The following CPE variants were observed in gnomAD, a reference collection of about 807,000 sequenced individuals.
CPE encodes carbocypeptidase E.
A neutral mutation model predicts 53.5 loss-of-function variants in CPE; 17 were observed. The ratio of observed to expected loss-of-function variants is 0.32; its 90% CI spans 0.22 to 0.48. CPE has a LOEUF of 0.48. Among genes scored for constraint, CPE ranks in the 20% least tolerant of loss-of-function variants. The probability of loss-of-function intolerance (pLI) is 0.99; values close to 1 mark genes in which losing one functional copy is unlikely to be tolerated. For missense variants in CPE, 524 were observed against 614.7 expected, an observed-to-expected ratio of 0.85 and a Z score of 1.56; for synonymous variants, 226 against 228.8, an observed-to-expected ratio of 0.99 and a Z score of 0.11.
intron 1 of CPE, among the ~76,000 whole-genome samples, chr4:165,409,103 C>T (rs143634833): frequency 3.2e-4 from 49 of 152,188 alleles, no homozygotes; most frequent in African/African-American, 1.2e-3. Context: ...AAGTATATGG[C>T]GGAGTGGGTG....
At chr4:165,496,220 T>C (rs1193727670) in intron 8 of CPE, among the ~76,000 whole-genome samples, 1 of 152,232 alleles carries the variant, frequency 6.6e-6, no homozygotes, top group Non-Finnish European at 1.5e-5. Flanking sequence ...TTGTATTATA[T>C]GCCTGGGACC....
At chr4:165,476,565 G>A (rs1010400488) in intron 3 of CPE, among the ~76,000 whole-genome samples, 2 of 152,030 alleles carry the variant, frequency 1.3e-5, no homozygotes, top group African/African-American at 4.8e-5. Context: ...CTGATCACCA[G>A]TTTCAGGTTT....
At chr4:165,386,401 TGA>T in intron 1 of CPE, 1 of 402,016 alleles carries the variant, frequency 2.5e-6, no homozygotes, top group Non-Finnish European at 4.8e-6. Flanking sequence ...TGAATATGTT[TGA>T]ATAAATGAAA....
intron 1 of CPE, among the ~76,000 whole-genome samples, chr4:165,434,876 G>A (rs1486895259): frequency 6.6e-6 from 1 of 152,064 alleles, no homozygotes; most frequent in African/African-American, 2.4e-5. Flanking sequence ...CAGATCCCTG[G>A]TGAATGTCTT....
intron 1 of CPE, among the ~76,000 whole-genome samples, chr4:165,430,052 A>G (rs935967215): frequency 7.5e-6 from 1 of 132,594 alleles, no homozygotes; most frequent in African/African-American, 2.5e-5. Context: ...ATCAAAAAAT[A>G]AAAATAAAAA....
intron 1 of CPE, among the ~76,000 whole-genome samples, chr4:165,426,764 A>G (rs1731326554): frequency 6.6e-6 from 1 of 152,234 alleles, no homozygotes; most frequent in African/African-American, 2.4e-5. Flanking sequence ...AATCTCACCA[A>G]TACACTACAA....
chr4:165,386,295 C>G (rs200991991), intron 1 of CPE: 183 of 504,588 alleles, frequency 3.6e-4, no homozygotes, highest in East Asian at 2.1e-3. Flanking sequence ...TCCTATAGCT[C>G]CTGTAGCTTC....
At chr4:165,428,747 C>T (rs1731362100) in intron 1 of CPE, among the ~76,000 whole-genome samples, 1 of 152,164 alleles carries the variant, frequency 6.6e-6, no homozygotes, top group South Asian at 2.1e-4. Flanking sequence ...GTGGCTACAT[C>T]ACTCCAATTT....
chr4:165,459,682 G>GGT (rs1553976500), intron 1 of CPE, among the ~76,000 whole-genome samples: 1 of 127,866 alleles, frequency 7.8e-6, no homozygotes, highest in African/African-American at 3.3e-5. Flanking sequence ...GGTGGGGGGG[G>GGT]GCGGGGCAGA....
chr4:165,495,647 A>C lies in CPE; in HGVS notation c.1302A>C (p.Lys434Asn). 7 of 1,613,820 alleles carry C rather than the reference A, an allele frequency of 4.3e-6. No homozygotes were observed. The highest frequency in any genetic ancestry group is 5.9e-6 in the Non-Finnish European group (7 of 1,179,830). Residue 434 changes from lysine (K) to asparagine (N), a missense_variant, in exon 8 of 9, where the codon AAA becomes AAC. Lys to Asn is a moderately conservative substitution (Grantham distance 94). Transcript: ENST00000402744. ...SAPGYLAITK[K>N]VAVPYSPAAG... The stretch of plus-strand genomic sequence containing the variant: ...CAGGCTATCTGGCAATAACAAAGAA[A>C]GTGGCAGTTCCTTACAGCCCTGCTG...
intron 1 of CPE, chr4:165,406,105 C>A: frequency 1.3e-6 from 1 of 757,560 alleles, no homozygotes. Context: ...GATCACTAGC[C>A]CAGATTTCAT....
chr4:165,416,817 C>A (rs991950178), intron 1 of CPE, among the ~76,000 whole-genome samples: 1 of 151,802 alleles, frequency 6.6e-6, no homozygotes, highest in Admixed American at 6.6e-5. Flanking sequence ...GCACCAGGGA[C>A]CTTCTCTGTC....
chr4:165,394,436 C>T (rs1488232204), intron 1 of CPE, among the ~76,000 whole-genome samples: 2 of 152,102 alleles, frequency 1.3e-5, no homozygotes, highest in Non-Finnish European at 2.9e-5. Context: ...GAGAACATGA[C>T]CATTGGGAGT....
intron 6 of CPE, among the ~76,000 whole-genome samples, 157 bp downstream of exon 6, chr4:165,487,734 A>G (rs1330883316): frequency 2.6e-5 from 4 of 152,118 alleles, no homozygotes; most frequent in African/African-American, 9.7e-5. Context: ...TTAGGCTTTT[A>G]TTTGTCATAG....
chr4:165,424,914 G>A (rs1721386268), intron 1 of CPE, among the ~76,000 whole-genome samples: 2 of 144,646 alleles, frequency 1.4e-5, no homozygotes. Context: ...TAGCTTTGTC[G>A]CCCAGGCTAG....
At chr4:165,485,354 T>G (rs1178757268) in intron 5 of CPE, among the ~76,000 whole-genome samples, 7 of 152,172 alleles carry the variant, frequency 4.6e-5, no homozygotes, top group Non-Finnish European at 1.0e-4. Flanking sequence ...AAAAGAAAAT[T>G]TGTTAGGGTA....
chr4:165,389,438 TG>T (rs1272696233), intron 1 of CPE, among the ~76,000 whole-genome samples: 1 of 152,228 alleles, frequency 6.6e-6, no homozygotes. Flanking sequence ...TTCTCAAGAA[TG>T]TTTTTTTCAG....
Position 165,379,618 on chromosome 4 carries a change from G to T in CPE, c.307+90G>T. On this transcript the variant is annotated intron_variant, in intron 1 of 8. Transcript: ENST00000402744. This position sits in a 1 kb window ranked among gnomAD's most constrained non-coding sequence, Gnocchi z 6.0. ...GGTGGCGGTGGGGGAAGGAGGGAGGGATGGGCCCAGGGGTGCCTCTTGGTA... is the reference window on the plus strand; with the variant it reads ...GGTGGCGGTGGGGGAAGGAGGGAGGTATGGGCCCAGGGGTGCCTCTTGGTA... 1.1e-5 allele frequency: 4 copies of T among 375,192 alleles called. No individual in the cohort carries two copies. Among genetic ancestry groups the T allele is most frequent in the Non-Finnish European group, 1.5e-5 (3 of 203,168 alleles). 23.2% of individuals were successfully genotyped at this position (375,192 alleles called of 1,614,324 possible). A position where few individuals can be genotyped will look rare whatever the true frequency, so the allele number is the denominator to read the frequency against.
chr4:165,447,969 A>G (rs1731746215), intron 1 of CPE, among the ~76,000 whole-genome samples: 1 of 152,180 alleles, frequency 6.6e-6, no homozygotes, highest in African/African-American at 2.4e-5. Flanking sequence ...TTAATCATTG[A>G]CTAGAATGTC....
Sources: gnomAD v4.1 joint callset for allele counts (sites outside exome capture counted in the v4.1 genomes callset) on GRCh38, gnomAD v4.1.1 for gene constraint, Gnocchi (gnomAD v3.1) non-coding constraint, MANE v1.5 for transcripts, NCBI Gene and HGNC (gene_info 2026-07-23, HGNC 2026-07-21) for gene names.